Variants in GON4L observed in about 807,000 individuals in gnomAD.
GON4L encodes GON-4-like protein.
GON4L carries 87 observed loss-of-function variants against 211.8 expected under a neutral mutation model. That is an observed-to-expected ratio of 0.41 (90% CI 0.35 to 0.49). The LOEUF (loss-of-function observed/expected upper bound fraction) is 0.49, where lower values mean the gene tolerates loss of function less well. Among genes scored for constraint, GON4L ranks in the 20% least tolerant of loss-of-function variants. The probability of loss-of-function intolerance (pLI) is 0.15; values close to 1 mark genes in which losing one functional copy is unlikely to be tolerated. For synonymous variants in GON4L, 875 were observed against 962.6 expected, an observed-to-expected ratio of 0.91 and a Z score of 1.68; for missense variants, 2,155 against 2,659.5, an observed-to-expected ratio of 0.81 and a Z score of 4.17.
intron 23 of GON4L, 24 bp downstream of exon 23, chr1:155,762,163 CAAT>C (rs1661877814): frequency 6.4e-7 from 1 of 1,562,308 alleles, no homozygotes; most frequent in African/African-American, 1.4e-5. Context: ...TAGAGACTGG[CAAT>C]AACAGGAAGC....
At chr1:155,858,251 C>T (rs896875333), upstream of GON4L, among the ~76,000 whole-genome samples, 1 of 151,906 alleles carries the variant, frequency 6.6e-6, no homozygotes, top group Non-Finnish European at 1.5e-5. Context: ...CTGGAATCCA[C>T]GGAGATTAAA....
At chr1:155,817,222 G>A (rs1668330991) in intron 6 of GON4L, among the ~76,000 whole-genome samples, 1 of 152,050 alleles carries the variant, frequency 6.6e-6, no homozygotes, top group Admixed American at 6.6e-5. Context: ...TCAAAATCCT[G>A]GGCTCAAACA....
intron 2 of GON4L, among the ~76,000 whole-genome samples, chr1:155,852,692 G>A (rs566470481): frequency 1.9e-4 from 29 of 152,172 alleles, no homozygotes; most frequent in African/African-American, 9.6e-5. Flanking sequence ...GCAGTGAGCC[G>A]AGACCACGCC....
At chr1:155,822,017 A>T (rs1668782350) in intron 4 of GON4L, among the ~76,000 whole-genome samples, 1 of 152,224 alleles carries the variant, frequency 6.6e-6, no homozygotes, top group African/African-American at 2.4e-5. Context: ...CTACTAAACA[A>T]TACAGTAAAT....
rs114602485 is a variant in GON4L at position 155,830,666 on chromosome 1, G to A, written c.506-3638C>T. ...CAGTGGTACGATCTCAGCTCACTGC[G>A]GCCTCAACCTCCTGGGCTCAAGTGA... On this transcript the variant is annotated intron_variant, in intron 2 of 31. Transcript: ENST00000368331. Among the ~76,000 whole-genome samples, 1,246 of 152,016 alleles carry A rather than the reference G, an allele frequency of 8.2e-3. 18 individuals are homozygous for A. The highest frequency in any genetic ancestry group is 0.029 in the African/African-American group (1,187 of 41,454).
chr1:155,752,647 C>T (rs1478073226), intron 29 of GON4L, 57 bp from the exon 30 acceptor site: 15 of 1,550,962 alleles, frequency 9.7e-6, no homozygotes, highest in African/African-American at 2.7e-5. Context: ...CACCTAAGCA[C>T]GAGAAATTAC....
At position 155,853,506 on chromosome 1, in the gene GON4L, A is replaced by T; in HGVS notation, c.275T>A (p.Leu92Gln). ...MLTQNTNVPILEGVDVAISQG... is the reference protein window; with the variant it reads ...MLTQNTNVPIQEGVDVAISQG... ...AGAGATGGCCACATCAACACCTTCT[A>T]GAATTGGTACATTTGTGTTCTGGGT... Residue 92 changes from leucine to glutamine, a missense_variant, in exon 2 of 32, where the codon CTA becomes CAA. Physicochemically the swap from Leu to Gln is moderately radical, Grantham distance 113. This residue lies in a region of GON4L where 313 missense variants were observed against 293.2 expected (regional missense o/e 1.07). Transcript: ENST00000368331. 1 of 1,614,206 alleles carries T rather than the reference A, an allele frequency of 6.2e-7. No individual in the cohort carries two copies. Among genetic ancestry groups the T allele is most frequent in the Non-Finnish European group, 8.5e-7 (1 of 1,180,016 alleles).
At chr1:155,843,293 G>A (rs1304248347) in intron 2 of GON4L, among the ~76,000 whole-genome samples, 2 of 152,152 alleles carry the variant, frequency 1.3e-5, no homozygotes, top group Non-Finnish European at 2.9e-5. Flanking sequence ...TAGCCTGCAT[G>A]ATTGCAGAAT....
chr1:155,795,520 C>T (rs1352032496), intron 11 of GON4L, among the ~76,000 whole-genome samples: 1 of 152,206 alleles, frequency 6.6e-6, no homozygotes, highest in Non-Finnish European at 1.5e-5. Flanking sequence ...ATTATAATTT[C>T]TTAGTATAAA....
intron 11 of GON4L, 67 bp from the exon 12 acceptor site, chr1:155,795,218 T>TA: frequency 2.2e-6 from 2 of 916,498 alleles, no homozygotes; most frequent in Admixed American, 3.4e-5. Context: ...TCTGTTCCAA[T>TA]AAAGCACATT....
rs201281035 is a variant in GON4L, at chr1:155,761,498, T to C, written c.4911+692A>G. Reference sequence around the variant, plus strand: ...GGGCCACAGCGCCCAGCCTGGTTCATTTTTTTTTTTTTTTTGAGACAGAGT... The same window carrying C: ...GGGCCACAGCGCCCAGCCTGGTTCACTTTTTTTTTTTTTTTGAGACAGAGT... On this transcript the variant is annotated intron_variant, in intron 23 of 31. Transcript: ENST00000368331. 6.9e-4 allele frequency among the ~76,000 whole-genome samples: 83 copies of C among 120,914 alleles called. 2 individuals carry two copies. The East Asian group carries it at 0.015, about 22-fold the overall frequency. The allele number at this position is 120,914 out of a possible 152,430, so 79.3% of individuals were successfully genotyped here.
At chr1:155,815,459 G>T (rs1329548002) in intron 8 of GON4L, among the ~76,000 whole-genome samples, 1 of 152,102 alleles carries the variant, frequency 6.6e-6, no homozygotes, top group Non-Finnish European at 1.5e-5. Flanking sequence ...CTAAAAGGCA[G>T]GGTAGTGGTT....
chr1:155,836,548 G>A (rs1168009801), intron 2 of GON4L, among the ~76,000 whole-genome samples: 1 of 152,056 alleles, frequency 6.6e-6, no homozygotes, highest in Non-Finnish European at 1.5e-5. Context: ...ACGCCTGGCC[G>A]ATGTGGTGTT....
chr1:155,827,680 C>T (rs1669339993), intron 2 of GON4L, among the ~76,000 whole-genome samples: 1 of 95,918 alleles, frequency 1.0e-5, no homozygotes, highest in African/African-American at 3.3e-5. Flanking sequence ...AGCAAGACCC[C>T]GTCACACACA....
At chr1:155,776,002 G>A (rs1289605433) in intron 16 of GON4L, among the ~76,000 whole-genome samples, 1 of 152,048 alleles carries the variant, frequency 6.6e-6, no homozygotes, top group Non-Finnish European at 1.5e-5. Context: ...CAGCTAGTCT[G>A]GAACTACTGG....
At chr1:155,832,238 ACACTC>A (rs56364035) in intron 2 of GON4L, among the ~76,000 whole-genome samples, 127,312 of 135,806 alleles carry the variant, frequency 0.94, 60,383 homozygotes, top group East Asian at 1. Context: ...TCACGCCACT[ACACTC>A]CACTCCAACC....
chr1:155,765,664 C>T lies in GON4L; in HGVS notation c.3809G>A (p.Gly1270Glu), dbSNP rs774539438. Reference protein sequence around the residue: ...TVFPKVEHSPGPPLADAECQE... With the variant: ...TVFPKVEHSPEPPLADAECQE... ...GCACTCTGCATCTGCTAGTGGAGGC[C>T]CTGGGCTATGTTCCACTTTCGGGAA... Residue 1270 changes from glycine (G) to glutamate (E), a missense_variant, in exon 21 of 32, where the codon GGG (glycine) becomes GAG (glutamate). Around this residue, in one of 6 missense-constraint regions of GON4L, gnomAD observed 615 missense variants for 625.7 expected, o/e 0.98. Coordinates refer to ENST00000368331, the MANE Select transcript of GON4L (RefSeq NM_001282860.2). The T allele has an allele frequency of 8.1e-6, 13 of 1,614,112 alleles. No individual in the cohort carries two copies. In the Admixed American group the frequency reaches 2.2e-4, roughly 27 times the overall value.
chr1:155,775,204 G>A (rs1171254291), intron 16 of GON4L, 31 bp from the exon 17 acceptor site: 27 of 1,613,692 alleles, frequency 1.7e-5, no homozygotes, highest in Non-Finnish European at 2.1e-5. Flanking sequence ...AAAGATTTAA[G>A]ACAATTCCAG....
intron 12 of GON4L, among the ~76,000 whole-genome samples, chr1:155,792,523 T>C (rs1286780265): frequency 2.6e-5 from 4 of 152,100 alleles, no homozygotes; most frequent in African/African-American, 9.7e-5. Flanking sequence ...AAATAAGCAA[T>C]TATGAGGTGA....
Sources: gnomAD v4.1 joint callset for allele counts (sites outside exome capture counted in the v4.1 genomes callset) on GRCh38, gnomAD v4.1.1 for gene constraint, gnomAD v4.1.1 regional missense constraint, MANE v1.5 for transcripts, NCBI Gene and HGNC (gene_info 2026-07-23, HGNC 2026-07-21) for gene names.